The following CD8B variants were observed in gnomAD, a reference collection of about 807,000 sequenced individuals.
CD8B encodes the protein T-cell surface glycoprotein CD8 beta chain.
Under a neutral mutation model 24.2 loss-of-function variants are expected in CD8B, and 6 were observed. The observed-to-expected ratio is 0.25, with a 90% confidence interval of 0.14 to 0.49. The LOEUF (loss-of-function observed/expected upper bound fraction) is 0.49. Among genes scored for constraint, CD8B ranks in the 20% least tolerant of loss-of-function variants. The pLI is 0.98. For missense variants in CD8B, 196 were observed against 271.3 expected, an observed-to-expected ratio of 0.72 and a Z score of 1.95; for synonymous variants, 84 against 108.3, an observed-to-expected ratio of 0.78 and a Z score of 1.39.
chr2:86,835,826 G>A (rs1217929377), downstream of CD8B, among the ~76,000 whole-genome samples: 5 of 149,896 alleles, frequency 3.3e-5, no homozygotes, highest in Admixed American at 1.3e-4. Context: ...GGTATCACCC[G>A]GGTCTTTCTC....
chr2:86,851,408 T>G (rs1236254113), intron 3 of CD8B, among the ~76,000 whole-genome samples: 1 of 152,196 alleles, frequency 6.6e-6, no homozygotes, highest in Non-Finnish European at 1.5e-5. Flanking sequence ...GTGGCTCTAT[T>G]GTATTTGCCT....
chr2:86,854,881 G>A (rs577949220), intron 2 of CD8B, among the ~76,000 whole-genome samples: 105 of 152,232 alleles, frequency 6.9e-4, no homozygotes, highest in Non-Finnish European at 1.4e-3. Context: ...AGCACTTTGG[G>A]AGGCCGAGGC....
At chr2:86,827,084 G>A (rs1002266839) in intron 5 of CD8B, among the ~76,000 whole-genome samples, 1 of 152,102 alleles carries the variant, frequency 6.6e-6, no homozygotes, top group African/African-American at 2.4e-5. Context: ...GCCTCCCAGA[G>A]TGTGAGGATT....
rs1007868478 is a variant in CD8B at position 86,841,969 on chromosome 2, A to T, written c.*338T>A. ...TACCAGGGCAAAGCAACCTGCAAAG[A>T]TGGTGGCTAAATGGCCACCACTAAA... On this transcript the variant is annotated 3_prime_UTR_variant, in exon 6 of 6. Transcript: ENST00000390655. 3.4e-5 allele frequency: 36 copies of T among 1,068,138 alleles called. No homozygotes were observed. Among genetic ancestry groups the T allele is most frequent in the Non-Finnish European group, 3.7e-5 (33 of 884,598 alleles). The allele number at this position is 1,068,138 out of a possible 1,614,324, so 66.2% of individuals were successfully genotyped here.
chr2:86,825,891 C>T (rs1246456816), intron 5 of CD8B, among the ~76,000 whole-genome samples: 3 of 152,092 alleles, frequency 2.0e-5, no homozygotes, highest in East Asian at 3.9e-4. Context: ...ATGGTGTCAG[C>T]TGCCCCAAAG....
chr2:86,845,158 C>T (rs954343270), intron 4 of CD8B, among the ~76,000 whole-genome samples, 200 bp from the exon 5 acceptor site: 29 of 152,300 alleles, frequency 1.9e-4, no homozygotes, highest in Non-Finnish European at 2.9e-4. Context: ...CTTTTAAGAT[C>T]TCCATTTTAT....
downstream of CD8B, among the ~76,000 whole-genome samples, chr2:86,838,110 C>T (rs1468311901): frequency 7.2e-5 from 11 of 152,128 alleles, no homozygotes; most frequent in African/African-American, 1.4e-4. Context: ...ATAAATCTTT[C>T]GTTTGTGGAT....
intron 1 of CD8B, among the ~76,000 whole-genome samples, chr2:86,860,416 G>C (rs1415257126): frequency 6.6e-6 from 1 of 152,196 alleles, no homozygotes; most frequent in African/African-American, 2.4e-5. Flanking sequence ...TCCTTGCTTT[G>C]GGTCACTCAC....
intron 5 of CD8B, among the ~76,000 whole-genome samples, chr2:86,816,461 A>G (rs1170334184): frequency 2.6e-5 from 4 of 152,346 alleles, no homozygotes; most frequent in Non-Finnish European, 5.9e-5. Flanking sequence ...AGGGCCAAAA[A>G]TAGCTGAATA....
intron 5 of CD8B, among the ~76,000 whole-genome samples, chr2:86,823,440 C>T (rs529046251): frequency 7.0e-4 from 107 of 151,908 alleles, no homozygotes; most frequent in African/African-American, 2.2e-3. Context: ...CCACGGTGCC[C>T]GGCTAATTTT....
Position 86,858,113 on chromosome 2 carries a change from C to T in CD8B, c.347G>A (p.Cys116Tyr). 2 of 1,614,026 alleles carry T rather than the reference C, an allele frequency of 1.2e-6. No homozygotes were observed. Among genetic ancestry groups the T allele is most frequent in the Non-Finnish European group, 1.7e-6 (2 of 1,179,866 alleles). The change falls in exon 2 of 6, where the codon TGC becomes TAC. Residue 116 changes from cysteine to tyrosine, a missense_variant. By Grantham distance (194) the Cys-to-Tyr change is radical (BLOSUM62 -2). Coordinates refer to ENST00000390655, the MANE Select transcript of CD8B (RefSeq NM_004931.5). ...CAGCTCGGGGCTCCCGACGATCATG[C>T]AGAAGTAGATGCCACTGTCTTCCGG... The part of the protein sequence containing the change: ...VKPEDSGIYF[C>Y]MIVGSPELTF...
intron 5 of CD8B, among the ~76,000 whole-genome samples, chr2:86,828,306 TTGTGTG>T (rs72236144): frequency 1.3e-4 from 18 of 143,508 alleles, no homozygotes; most frequent in South Asian, 2.3e-4. Flanking sequence ...ATAACTGGAA[TTGTGTG>T]TGTGTGTGTG....
chr2:86,857,185 T>C (rs1676309105), intron 2 of CD8B, among the ~76,000 whole-genome samples: 1 of 152,020 alleles, frequency 6.6e-6, no homozygotes, highest in Non-Finnish European at 1.5e-5. Context: ...CTCAGTCTCC[T>C]TACTAACTTC....
At chr2:86,850,664 A>G (rs1675928790) in intron 3 of CD8B, among the ~76,000 whole-genome samples, 1 of 152,078 alleles carries the variant, frequency 6.6e-6, no homozygotes, top group South Asian at 2.1e-4. Flanking sequence ...TGTAACCTCC[A>G]CCTACTTTCC....
At position 86,844,928 on chromosome 2, in the gene CD8B, A is replaced by C; in HGVS notation, c.614T>G (p.Met205Arg). ...CRRRRARLRFMKQFYK is the reference protein window; with the variant it reads ...CRRRRARLRFRKQFYK ...ACCCAGGTTATACACTTACTGTTTC[A>C]TGAAACGAAGCCGGGCTCTCCTCCG... The change falls in exon 5 of 6, where the codon ATG (methionine) becomes AGG (arginine). Residue 205 changes from methionine (M) to arginine (R), a missense_variant. Transcript: ENST00000390655. 2 of 1,556,446 alleles carry C rather than the reference A, an allele frequency of 1.3e-6. No homozygotes were observed. The highest frequency in any genetic ancestry group is 1.7e-6 in the Non-Finnish European group (2 of 1,149,726).
chr2:86,838,297 A>G lies in CD8B; in HGVS notation c.*4010T>C, dbSNP rs1230379987. On this transcript the variant is annotated 3_prime_UTR_variant, in exon 6 of 6. Transcript: ENST00000390655. ...GTAACTGCAATTAACAGCTGAAAGT[A>G]AATCCTTACAGACCTTTTCCTGTAC... Among the ~76,000 whole-genome samples the G allele has an allele frequency of 6.6e-6, 1 of 152,248 alleles. No homozygotes were observed. Among genetic ancestry groups the G allele is most frequent in the African/African-American group, 2.4e-5 (1 of 41,464 alleles).
In CD8B at chr2:86,844,932, A is replaced by G. The variant is rs1359222834; in HGVS notation, c.610T>C (p.Phe204Leu). ...CCRRRRARLRFMKQFYK is the reference protein window; with the variant it reads ...CCRRRRARLRLMKQFYK ...AGGTTATACACTTACTGTTTCATGA[A>G]ACGAAGCCGGGCTCTCCTCCGCCGG... is the stretch of plus-strand genomic sequence containing the variant. Residue 204 changes from phenylalanine (F) to leucine (L), a missense_variant, in exon 5 of 6, where the codon TTC becomes CTC. By Grantham distance (22) the Phe-to-Leu change is conservative (BLOSUM62 0). Coordinates refer to ENST00000390655, the MANE Select transcript of CD8B (RefSeq NM_004931.5). 1.3e-6 allele frequency: 2 copies of G among 1,556,132 alleles called. No homozygotes were observed. Among genetic ancestry groups the G allele is most frequent in the Non-Finnish European group, 1.7e-6 (2 of 1,149,542 alleles).
intron 3 of CD8B, among the ~76,000 whole-genome samples, chr2:86,849,743 G>C (rs368875034): frequency 1.4e-5 from 2 of 138,398 alleles, no homozygotes; most frequent in Non-Finnish European, 3.0e-5. Context: ...TTGCTCTGTC[G>C]CCCAGGCTGG....
intron 5 of CD8B, among the ~76,000 whole-genome samples, chr2:86,827,724 GT>G (rs915310819): frequency 3.3e-5 from 5 of 152,074 alleles, no homozygotes; most frequent in African/African-American, 4.8e-5. Context: ...ACTTTAAATT[GT>G]TTTTGCAACA....
Sources: allele counts gnomAD v4.1 joint callset (sites outside exome capture counted in the v4.1 genomes callset), GRCh38; gene constraint gnomAD v4.1.1; transcripts MANE v1.5; gene names NCBI Gene and HGNC (gene_info 2026-07-23, HGNC 2026-07-21).